The following DNAAF9 variants were observed in gnomAD, a reference collection of about 807,000 sequenced individuals.
DNAAF9 encodes shulin.
In DNAAF9, 90 loss-of-function variants were observed where a neutral mutation model predicts 167.0. The observed-to-expected ratio is 0.54, with a 90% CI of 0.45 to 0.64. DNAAF9 has a LOEUF of 0.64. Ranked by LOEUF, DNAAF9 falls within the 30% of genes least tolerant of loss-of-function variation. The pLI is 0.00. For missense variants in DNAAF9, 1,315 were observed against 1,442.2 expected (o/e 0.91, Z 1.43); for synonymous variants, 491 against 508.8 (o/e 0.96, Z 0.47).
intron 6 of DNAAF9, among the ~76,000 whole-genome samples, chr20:3,366,451 C>T (rs1424528389): frequency 1.3e-5 from 2 of 152,084 alleles, no homozygotes; most frequent in Non-Finnish European, 2.9e-5. Context: ...GTGCTATCAT[C>T]CAGCCTTTGG....
intron 7 of DNAAF9, among the ~76,000 whole-genome samples, chr20:3,350,146 C>G (rs1248946998): frequency 1.8e-5 from 2 of 108,910 alleles, no homozygotes; most frequent in East Asian, 4.4e-4. Flanking sequence ...CACAGACACA[C>G]AGACACACAG....
intron 12 of DNAAF9, among the ~76,000 whole-genome samples, chr20:3,328,240 G>A (rs868083809): frequency 7.0e-6 from 1 of 143,644 alleles, no homozygotes; most frequent in Admixed American, 7.2e-5. Context: ...AGAGTACACT[G>A]GTGCGACCTC....
At chr20:3,296,248 G>A (rs569831133) in intron 23 of DNAAF9, 41 of 456,876 alleles carry the variant, frequency 9.0e-5, no homozygotes, top group South Asian at 7.0e-4. Context: ...TACCCGGGGT[G>A]ACAGAGTAAG....
intron 24 of DNAAF9, 111 bp from the exon 25 acceptor site, chr20:3,294,367 TTCTC>T: frequency 1.2e-6 from 1 of 835,990 alleles, no homozygotes; most frequent in East Asian, 2.4e-5. Context: ...CTTGGAGAGA[TTCTC>T]TCTAGAGAAT....
At chr20:3,350,211 G>A (rs2070294237) in intron 7 of DNAAF9, among the ~76,000 whole-genome samples, 1 of 146,890 alleles carries the variant, frequency 6.8e-6, no homozygotes, top group East Asian at 2.0e-4. Flanking sequence ...CAGGTATGGT[G>A]GCTCATGCCT....
chr20:3,392,085 G>T (rs1313490133), intron 1 of DNAAF9, among the ~76,000 whole-genome samples: 1 of 152,124 alleles, frequency 6.6e-6, no homozygotes, highest in Admixed American at 6.5e-5. Flanking sequence ...GAGGTGGGGG[G>T]ATCACTTGAG....
intron 1 of DNAAF9, among the ~76,000 whole-genome samples, chr20:3,383,075 G>T (rs951986552): frequency 1.3e-5 from 2 of 152,030 alleles, no homozygotes; most frequent in African/African-American, 4.8e-5. Context: ...AGGGACAGCC[G>T]TTTGCTCAAG....
intron 16 of DNAAF9, among the ~76,000 whole-genome samples, chr20:3,319,796 G>A (rs2069581926): frequency 6.6e-6 from 1 of 152,168 alleles, no homozygotes; most frequent in South Asian, 2.1e-4. Context: ...ATGATAATAG[G>A]ATATACAAAA....
At chr20:3,294,744 A>G (rs982764375) in intron 23 of DNAAF9, 115 bp from the exon 24 acceptor site, 2 of 670,756 alleles carry the variant, frequency 3.0e-6, no homozygotes, top group African/African-American at 1.8e-5. Context: ...AACTCTTCCA[A>G]AACACACATC....
Position 3,315,613 on chromosome 20 carries a change from T to A in DNAAF9, c.1590+122A>T. 1 of 785,642 alleles carries A rather than the reference T, an allele frequency of 1.3e-6. No homozygotes were observed. Among genetic ancestry groups the A allele is most frequent in the Non-Finnish European group, 2.2e-6 (1 of 449,522 alleles). The allele number at this position is 785,642 out of a possible 1,614,324, so 48.7% of individuals were successfully genotyped here. On this transcript the variant is annotated intron_variant, in intron 19 of 36. Coordinates refer to ENST00000252032, the MANE Select transcript of DNAAF9 (RefSeq NM_001009984.3). This position sits in a 1 kb window ranked among gnomAD's most constrained non-coding sequence, Gnocchi z 4.1. ...GAAGGGGAGGAATGCAAATAGGAAG[T>A]GAAGACAACATAGTGCAAGTCTTTT...
At position 3,347,699 on chromosome 20, in the gene DNAAF9, G is replaced by A. The variant is rs149575230; in HGVS notation, c.789+826C>T. Among the ~76,000 whole-genome samples, 409 of 152,202 alleles carry A rather than the reference G, an allele frequency of 2.7e-3. 2 individuals carry two copies. Among genetic ancestry groups the A allele is most frequent in the African/African-American group, 9.3e-3 (387 of 41,532 alleles). On this transcript the variant is annotated intron_variant, in intron 8 of 36. Coordinates refer to ENST00000252032, the MANE Select transcript of DNAAF9 (RefSeq NM_001009984.3). Reference sequence around the variant, plus strand: ...TCTCAGCACTTTGGGGGGCTGAGGCGGGCGATTGAGATCAGGAGTTCGAGA... The same window carrying A: ...TCTCAGCACTTTGGGGGGCTGAGGCAGGCGATTGAGATCAGGAGTTCGAGA...
chr20:3,345,576 G>A (rs74741229), intron 8 of DNAAF9, among the ~76,000 whole-genome samples: 6,824 of 152,200 alleles, frequency 0.045, 228 homozygotes, highest in African/African-American at 0.095. Context: ...ATATTCCCAC[G>A]AATTACATTT....
intron 8 of DNAAF9, among the ~76,000 whole-genome samples, chr20:3,348,164 T>C (rs1298756857): frequency 6.6e-6 from 1 of 152,124 alleles, no homozygotes; most frequent in Non-Finnish European, 1.5e-5. Context: ...AACTGCTGAC[T>C]AGCGTCATCT....
intron 5 of DNAAF9, 34 bp from the exon 6 acceptor site, chr20:3,374,188 T>C: frequency 7.1e-7 from 1 of 1,403,126 alleles, no homozygotes; most frequent in Non-Finnish European, 1.0e-6. Flanking sequence ...ACATATCAGA[T>C]ACCATCCTGA....
At chr20:3,262,610 A>C (rs1306736291) in intron 31 of DNAAF9, among the ~76,000 whole-genome samples, 8 of 152,114 alleles carry the variant, frequency 5.3e-5, no homozygotes, top group Non-Finnish European at 1.5e-5. Flanking sequence ...GTCTGCCTCC[A>C]GGTGTCTGGG....
At chr20:3,299,699 T>C (rs112565753) in intron 21 of DNAAF9, among the ~76,000 whole-genome samples, 1 of 152,234 alleles carries the variant, frequency 6.6e-6, no homozygotes, top group African/African-American at 2.4e-5. Flanking sequence ...CAAAAGTTTA[T>C]TTCTGGGCTC....
At chr20:3,353,647 C>CG in intron 7 of DNAAF9, among the ~76,000 whole-genome samples, 1 of 115,502 alleles carries the variant, frequency 8.7e-6, no homozygotes, top group South Asian at 3.4e-4. Context: ...CCCCCCCCCC[C>CG]GCAAAAAAAA....
At chr20:3,277,933 G>A (rs921126620) in intron 29 of DNAAF9, among the ~76,000 whole-genome samples, 2 of 152,142 alleles carry the variant, frequency 1.3e-5, no homozygotes, top group Admixed American at 6.6e-5. Context: ...CTGGCAATAC[G>A]ATCAGCAGGA....
chr20:3,400,872 C>G (rs2083973575), intron 1 of DNAAF9, among the ~76,000 whole-genome samples: 1 of 152,206 alleles, frequency 6.6e-6, no homozygotes, highest in South Asian at 2.1e-4. Flanking sequence ...AGGCCTCTAT[C>G]CCTGGACCAG....
Sources: gnomAD v4.1 joint callset for allele counts (sites outside exome capture counted in the v4.1 genomes callset) on GRCh38, gnomAD v4.1.1 for gene constraint, Gnocchi (gnomAD v3.1) non-coding constraint, MANE v1.5 for transcripts, NCBI Gene and HGNC (gene_info 2026-07-23, HGNC 2026-07-21) for gene names.